The following GPATCH2L variants were observed in gnomAD, a reference collection of about 807,000 sequenced individuals.
GPATCH2L encodes the protein G-patch domain containing 2 like.
In GPATCH2L, 31 loss-of-function variants were observed where a neutral mutation model predicts 57.4. The ratio of observed to expected loss-of-function variants is 0.54; its 90% confidence interval spans 0.41 to 0.73. The LOEUF (loss-of-function observed/expected upper bound fraction) is 0.73. Ranked by LOEUF, GPATCH2L falls within the 30% of genes least tolerant of loss-of-function variation. The pLI, the probability that GPATCH2L is intolerant of heterozygous loss-of-function variation, is 0.00. For synonymous variants in GPATCH2L, 199 were observed against 210.7 expected (o/e 0.94, Z 0.48); for missense variants, 481 against 599.9 (o/e 0.80, Z 2.07).
rs1158768901 is a variant in GPATCH2L at position 76,232,232 on chromosome 14, TA to T, written c.*117+2280del. On this transcript the variant is annotated intron_variant and NMD_transcript_variant, in intron 2 of 3. Coordinates refer to the GPATCH2L transcript ENST00000556372. ...AGGCTTTCATGTTAATATATATTTT[TA>T]TAAGTGCTATATTTAATGGCTGTAT... is the stretch of plus-strand genomic sequence containing the variant. 9.8e-5 allele frequency among the ~76,000 whole-genome samples: 15 copies of T among 152,336 alleles called. No individual in the cohort carries two copies. In the South Asian group the frequency reaches 2.3e-3, roughly 23 times the overall value.
At chr14:76,161,316 C>G (rs914404822) in intron 2 of GPATCH2L, among the ~76,000 whole-genome samples, 8 of 60,380 alleles carry the variant, frequency 1.3e-4, no homozygotes, top group African/African-American at 3.1e-4. Context: ...CGATGTAAGC[C>G]ATAAACTTTA....
intron 8 of GPATCH2L, among the ~76,000 whole-genome samples, chr14:76,192,811 C>G (rs1482717733): frequency 1.6e-4 from 24 of 152,136 alleles, no homozygotes; most frequent in Admixed American, 1.6e-3. Context: ...AGTTTCTTTA[C>G]TTGATTTCCT....
At chr14:76,166,098 A>C (rs2038823177) in intron 2 of GPATCH2L, among the ~76,000 whole-genome samples, 1 of 152,158 alleles carries the variant, frequency 6.6e-6, no homozygotes, top group African/African-American at 2.4e-5. Flanking sequence ...GTTTGTTTTT[A>C]TATTTTTGTT....
intron 1 of GPATCH2L, among the ~76,000 whole-genome samples, chr14:76,225,791 T>C (rs2040534350): frequency 6.6e-6 from 1 of 152,196 alleles, no homozygotes; most frequent in Non-Finnish European, 1.5e-5. Context: ...CCAATGAAAT[T>C]ATGGGCAAAT....
intron 3 of GPATCH2L, among the ~76,000 whole-genome samples, chr14:76,168,788 C>G (rs1464641346): frequency 6.6e-6 from 1 of 152,200 alleles, no homozygotes; most frequent in East Asian, 1.9e-4. Context: ...TGGCAAAGAG[C>G]AAACGTCATG....
intron 2 of GPATCH2L, among the ~76,000 whole-genome samples, chr14:76,159,974 T>C (rs377176268): frequency 1.4e-4 from 21 of 151,962 alleles, no homozygotes; most frequent in East Asian, 1.4e-3. Flanking sequence ...CTACTAAAAA[T>C]ACAAAAAAAT....
Position 76,208,580 on chromosome 14 carries a change from CG to C in GPATCH2L, c.*6730del. 1 of 153,002 alleles carries C rather than the reference CG, an allele frequency of 6.5e-6. No homozygotes were observed. The highest frequency in any genetic ancestry group is 1.5e-5 in the Non-Finnish European group (1 of 68,258). The allele number at this position is 153,002 out of a possible 1,614,324, so 9.5% of individuals were successfully genotyped here. A position where few individuals can be genotyped will look rare whatever the true frequency, so the allele number is the denominator to read the frequency against. On this transcript the variant is annotated 3_prime_UTR_variant, in exon 10 of 10. Transcript: ENST00000261530. ...CCACTTAGACACCCACACACACACA[CG>C]CTTCCTTACCTTCTTGCCAGTGCCT...
chr14:76,164,385 C>G (rs1045400210), intron 2 of GPATCH2L, among the ~76,000 whole-genome samples: 2 of 152,192 alleles, frequency 1.3e-5, no homozygotes, highest in African/African-American at 4.8e-5. Context: ...AGTTCACCAA[C>G]TCCTCCTTCT....
chr14:76,201,007 T>A (rs184078395), intron 9 of GPATCH2L, among the ~76,000 whole-genome samples: 1 of 152,292 alleles, frequency 6.6e-6, no homozygotes, highest in East Asian at 1.9e-4. Context: ...GCAGATAGGA[T>A]CCAGATCGGT....
chr14:76,195,858 T>C lies in GPATCH2L; in HGVS notation c.1194-20T>C, dbSNP rs768694796. 24 of 1,576,658 alleles carry C rather than the reference T, an allele frequency of 1.5e-5. No homozygotes were observed. Among genetic ancestry groups the C allele is most frequent in the Non-Finnish European group, 2.0e-5 (23 of 1,146,296 alleles). On this transcript the variant is annotated intron_variant, in intron 8 of 9. Coordinates refer to ENST00000261530, the MANE Select transcript of GPATCH2L (RefSeq NM_017926.4). ...AGAATTAAAAAGTTCAAACCATTTT[T>C]CTTCTTCTTACATCTGCAGACAGGC...
chr14:76,188,811 T>C (rs962027426), intron 8 of GPATCH2L, among the ~76,000 whole-genome samples: 1 of 152,140 alleles, frequency 6.6e-6, no homozygotes, highest in Admixed American at 6.5e-5. Context: ...TTCCCAATGT[T>C]TTCTTATAGT....
chr14:76,201,403 C>T (rs1210944223), intron 9 of GPATCH2L, among the ~76,000 whole-genome samples: 4 of 152,162 alleles, frequency 2.6e-5, no homozygotes, highest in African/African-American at 9.7e-5. Flanking sequence ...AAGCAATACA[C>T]ACATAAGTAC....
chr14:76,170,019 T>G (rs7156865), intron 3 of GPATCH2L, among the ~76,000 whole-genome samples: 85,402 of 152,070 alleles, frequency 0.56, 26,334 homozygotes, highest in South Asian at 0.77. Context: ...TAACAAGCCC[T>G]CCTGCTGCTT....
rs146517727 is a variant in GPATCH2L, at chr14:76,233,493, G to A, written c.*117+3540G>A. Among the ~76,000 whole-genome samples, 197 of 152,160 alleles carry A rather than the reference G, an allele frequency of 1.3e-3. 2 individuals carry two copies. Among genetic ancestry groups the A allele is most frequent in the African/African-American group, 4.5e-3 (187 of 41,516 alleles). On this transcript the variant is annotated intron_variant and NMD_transcript_variant, in intron 2 of 3. Coordinates refer to the GPATCH2L transcript ENST00000556372. ...GAACACCCATAAAAGTTGATAGAAC[G>A]GTTTGATGAATTCCCACACGCCCAT... is the stretch of plus-strand genomic sequence containing the variant.
intron 2 of GPATCH2L, among the ~76,000 whole-genome samples, chr14:76,160,169 T>G (rs1303814257): frequency 6.6e-6 from 1 of 151,968 alleles, no homozygotes; most frequent in East Asian, 1.9e-4. Flanking sequence ...AGAAACTGAA[T>G]GATGCTCAAT....
intron 2 of GPATCH2L, among the ~76,000 whole-genome samples, chr14:76,160,710 C>T (rs1478728795): frequency 6.6e-6 from 1 of 152,132 alleles, no homozygotes; most frequent in Non-Finnish European, 1.5e-5. Context: ...GGGTTGAAGA[C>T]TGGGTGCAGT....
chr14:76,207,828 C>T lies in GPATCH2L; in HGVS notation c.*5977C>T, dbSNP rs1044402467. 3 of 152,124 alleles carry T rather than the reference C, an allele frequency of 2.0e-5. No individual in the cohort carries two copies. The highest frequency in any genetic ancestry group is 7.2e-5 in the African/African-American group (3 of 41,434). 9.4% of individuals were successfully genotyped at this position (152,124 alleles called of 1,614,324 possible). The stretch of plus-strand genomic sequence containing the variant: ...TAATCTTAAGGCTTTGAAAAGAAAC[C>T]ATGGCCATTTTTTCTTCATATTTTA... On this transcript the variant is annotated 3_prime_UTR_variant, in exon 10 of 10. Transcript: ENST00000261530.
chr14:76,168,172 T>C (rs1199800221), intron 3 of GPATCH2L, among the ~76,000 whole-genome samples: 6 of 152,244 alleles, frequency 3.9e-5, no homozygotes, highest in Non-Finnish European at 8.8e-5. Flanking sequence ...TGCTGGTCTT[T>C]CTGCCTGAAA....
intron 1 of GPATCH2L, among the ~76,000 whole-genome samples, chr14:76,219,692 C>G (rs1301342190): frequency 6.6e-6 from 1 of 151,990 alleles, no homozygotes; most frequent in Non-Finnish European, 1.5e-5. Context: ...ACAGACAGAC[C>G]CAGGTGTCCT....
Sources: gnomAD v4.1 joint callset for allele counts (sites outside exome capture counted in the v4.1 genomes callset) on GRCh38, gnomAD v4.1.1 for gene constraint, MANE v1.5 for transcripts, NCBI Gene and HGNC (gene_info 2026-07-23, HGNC 2026-07-21) for gene names.